TIMELESS: variants seen among roughly 807,000 people sequenced by gnomAD.
TIMELESS encodes the protein timeless circadian regulator, also known as protein timeless homolog.
Under a neutral mutation model 164.3 loss-of-function variants are expected in TIMELESS, and 124 were observed. The observed-to-expected ratio is 0.75, with a 90% confidence interval of 0.65 to 0.88. The LOEUF (loss-of-function observed/expected upper bound fraction) is 0.88, where lower values mean the gene tolerates loss of function less well. Ranked by LOEUF, TIMELESS falls within the 40% of genes least tolerant of loss-of-function variation. The pLI, the probability that TIMELESS is intolerant of heterozygous loss-of-function variation, is 0.00. For synonymous variants in TIMELESS, 564 were observed against 563.4 expected, an observed-to-expected ratio of 1.00 and a Z score of -0.02; for missense variants, 1,422 against 1,491.4, an observed-to-expected ratio of 0.95 and a Z score of 0.77.
Position 56,418,281 on chromosome 12 carries a change from C to A in TIMELESS, c.3307G>T (p.Glu1103Ter). 1 of 1,614,142 alleles carries A rather than the reference C, an allele frequency of 6.2e-7. No homozygotes were observed. Among genetic ancestry groups the A allele is most frequent in the South Asian group, 1.1e-5 (1 of 91,066 alleles). ...RAAASLSQPE[E>*]EQKLQPELQP... The stretch of plus-strand genomic sequence containing the variant: ...AGCTCTGGCTGCAGCTTCTGTTCCT[C>A]CTCTGGTTGACTCAAAGAAGCTGCT... The change falls in exon 27 of 29, where the codon GAG becomes TAG. Residue 1103 changes from glutamate to a stop codon, truncating the protein, a stop_gained. Transcript: ENST00000553532. LOFTEE classifies it high-confidence loss of function.
chr12:56,443,188 G>C (rs1455520722), intron 1 of TIMELESS, among the ~76,000 whole-genome samples: 51 of 152,022 alleles, frequency 3.4e-4, no homozygotes, highest in Admixed American at 3.3e-3. Context: ...TTTTCTTCTT[G>C]CAGGGAGCCT....
intron 13 of TIMELESS, among the ~76,000 whole-genome samples, chr12:56,426,465 C>T (rs1881681556): frequency 6.6e-6 from 1 of 151,304 alleles, no homozygotes; most frequent in African/African-American, 2.4e-5. Flanking sequence ...CGGCTCACTG[C>T]AACCTCTGCC....
In TIMELESS at chr12:56,421,963, G is replaced by A. The variant is rs758367557; in HGVS notation, c.2578C>T (p.Arg860Cys). Residue 860 changes from arginine (R) to cysteine (C), a missense_variant, in exon 21 of 29, where the codon CGC becomes TGC. Coordinates refer to ENST00000553532, the MANE Select transcript of TIMELESS (RefSeq NM_003920.5). ...ACCAGATGGTGGATGATCTGCTTGC[G>A]TGTTCGAGGAACAGTATTCAGGTGG... The part of the protein sequence containing the change: ...LAHLNTVPRT[R>C]KQIIHHLVQM... 10 of 1,614,026 alleles carry A rather than the reference G, an allele frequency of 6.2e-6. No individual in the cohort carries two copies. Among genetic ancestry groups the A allele is most frequent in the South Asian group, 3.3e-5 (3 of 91,088 alleles).
intron 8 of TIMELESS, 60 bp from the exon 9 acceptor site, chr12:56,431,028 C>T (rs546083322): frequency 9.8e-5 from 118 of 1,202,598 alleles, no homozygotes; most frequent in Non-Finnish European, 1.3e-4. Flanking sequence ...TATCTCCATT[C>T]TCTATCATCG....
At position 56,423,800 on chromosome 12, in the gene TIMELESS, G is replaced by A; in HGVS notation, c.1963C>T (p.Pro655Ser). ...GATGTGAAGGGTGGAGACTCACGGG[G>A]AAGTGGAGCAGAGAGGATTTGTTTC... ...LLKQILSAPL[P>S]RQQGPEERGA... The change falls in exon 16 of 29, where the codon CCC (proline) becomes TCC (serine). Residue 655 changes from proline to serine, a missense_variant. Physicochemically the swap from Pro to Ser is moderately conservative, Grantham distance 74 (BLOSUM62 -1). Transcript: ENST00000553532. The A allele has an allele frequency of 6.2e-7, 1 of 1,614,210 alleles. No individual in the cohort carries two copies. The highest frequency in any genetic ancestry group is 8.5e-7 in the Non-Finnish European group (1 of 1,180,044).
At chr12:56,438,423 T>C (rs760324180) in intron 1 of TIMELESS, among the ~76,000 whole-genome samples, 2 of 151,972 alleles carry the variant, frequency 1.3e-5, no homozygotes, top group Non-Finnish European at 2.9e-5. Flanking sequence ...ACTCCTGACT[T>C]CAAGTGATCC....
At chr12:56,446,624 A>C (rs1868353944) in intron 1 of TIMELESS, among the ~76,000 whole-genome samples, 1 of 152,042 alleles carries the variant, frequency 6.6e-6, no homozygotes, top group South Asian at 2.1e-4. Context: ...TGAGGTCAGG[A>C]CTTCAAGACC....
chr12:56,423,520 A>G (rs1565680637), intron 17 of TIMELESS, 45 bp from the exon 18 acceptor site: 15 of 1,613,194 alleles, frequency 9.3e-6, no homozygotes, highest in Non-Finnish European at 1.3e-5. Flanking sequence ...TAAGGAAGAC[A>G]TAGCTCATCC....
intron 1 of TIMELESS, among the ~76,000 whole-genome samples, chr12:56,444,567 T>A (rs1171824022): frequency 6.6e-6 from 1 of 152,120 alleles, no homozygotes; most frequent in Non-Finnish European, 1.5e-5. Flanking sequence ...TGTTTTTTTC[T>A]TTTGAGGCAG....
chr12:56,446,361 T>C (rs910684484), intron 1 of TIMELESS, among the ~76,000 whole-genome samples: 1 of 152,222 alleles, frequency 6.6e-6, no homozygotes, highest in African/African-American at 2.4e-5. Context: ...TTTGGTACTA[T>C]TTGAATTCTT....
At chr12:56,420,021 AAAAAAAAAAT>A (rs1247267835) in intron 26 of TIMELESS, among the ~76,000 whole-genome samples, 12 of 94,346 alleles carry the variant, frequency 1.3e-4, no homozygotes, top group Admixed American at 5.1e-4. Flanking sequence ...AAAAAAAAAA[AAAAAAAAAAT>A]ATATATATAT....
chr12:56,418,572 CT>C (rs372018339), intron 26 of TIMELESS, among the ~76,000 whole-genome samples: 1,301 of 126,762 alleles, frequency 0.01, 10 homozygotes, highest in African/African-American at 0.02. Flanking sequence ...TTTGGTTGTT[CT>C]TTTTTTTTTT....
In TIMELESS at chr12:56,423,898, G is replaced by A. The variant is rs376989070; in HGVS notation, c.1869-4C>T. The A allele has an allele frequency of 4.0e-5, 65 of 1,613,640 alleles. No individual in the cohort carries two copies. Among genetic ancestry groups the A allele is most frequent in the Non-Finnish European group, 5.1e-5 (60 of 1,179,698 alleles). Reference sequence around the variant, plus strand: ...ATCTCCTTCAGGCCACACCTCCCTGGAGCACAGATAGAAAAAAGGCTTTAC... The same window carrying A: ...ATCTCCTTCAGGCCACACCTCCCTGAAGCACAGATAGAAAAAAGGCTTTAC... On this transcript the variant is annotated splice_region_variant and splice_polypyrimidine_tract_variant and intron_variant, in intron 15 of 28. Transcript: ENST00000553532.
rs757210203 is a variant in TIMELESS at position 56,432,362 on chromosome 12, G to T, written c.687+7C>A. 5.6e-6 allele frequency: 9 copies of T among 1,612,032 alleles called. No individual in the cohort carries two copies. The highest frequency in any genetic ancestry group is 1.1e-5 in the South Asian group (1 of 91,030). ...GAGGGGACTCGGGCAATAGGCCAGG[G>T]TCTCACCTGGTCACGAAACATAAGG... On this transcript the variant is annotated splice_region_variant and intron_variant, in intron 7 of 28. Transcript: ENST00000553532.
intron 1 of TIMELESS, among the ~76,000 whole-genome samples, chr12:56,449,008 G>T (rs1868461838): frequency 6.6e-6 from 1 of 152,190 alleles, no homozygotes; most frequent in African/African-American, 2.4e-5. Flanking sequence ...ACTCCCTCAG[G>T]CACTTTCTGT....
At position 56,422,989 on chromosome 12, in the gene TIMELESS, G is replaced by A. The variant is rs768120563; in HGVS notation, c.2296C>T (p.Leu766=). The change falls in exon 19 of 29, where the codon CTA becomes TTA. Residue 766 remains leucine (L), a synonymous_variant. Transcript: ENST00000553532. ...SDPAAGAYKE[L]VTFAKYILGK... ...AGGATGTATTTGGCAAAAGTCACTA[G>A]CTCCTGTAGGAGAAGGAGGTTACTA... 1.9e-6 allele frequency: 3 copies of A among 1,613,182 alleles called. No individual in the cohort carries two copies. The highest frequency in any genetic ancestry group is 4.5e-5 in the East Asian group (2 of 44,894).
intron 9 of TIMELESS, 48 bp from the exon 10 acceptor site, chr12:56,430,329 C>A (rs754263836): frequency 6.4e-7 from 1 of 1,552,140 alleles, no homozygotes; most frequent in Admixed American, 2.1e-5. Context: ...ATACCACTTT[C>A]CCCTTGCAGC....
chr12:56,423,204 C>T, intron 18 of TIMELESS, 70 bp downstream of exon 18: 1 of 1,566,486 alleles, frequency 6.4e-7, no homozygotes, highest in Non-Finnish European at 8.7e-7. Flanking sequence ...CCTTCTATCT[C>T]CTGAAGATTA....
Position 56,423,369 on chromosome 12 carries a change from C to T in TIMELESS, c.2197G>A (p.Ala733Thr). The change falls in exon 18 of 29, where the codon GCC becomes ACC. Residue 733 changes from alanine to threonine, a missense_variant. Physicochemically the swap from Ala to Thr is moderately conservative, Grantham distance 58 (BLOSUM62 0). Coordinates refer to ENST00000553532, the MANE Select transcript of TIMELESS (RefSeq NM_003920.5). ...AGGGCTTCCATTTTGAGGTCATGGG[C>T]CAGCCGGTGCAGCATCTTCACAATG... ...HCIVKMLHRLAHDLKMEALLF... is the reference protein window; with the variant it reads ...HCIVKMLHRLTHDLKMEALLF... The T allele has an allele frequency of 6.2e-7, 1 of 1,614,150 alleles. No individual in the cohort carries two copies. Among genetic ancestry groups the T allele is most frequent in the Non-Finnish European group, 8.5e-7 (1 of 1,180,032 alleles).
Sources: gnomAD v4.1 joint callset for allele counts (sites outside exome capture counted in the v4.1 genomes callset) on GRCh38, gnomAD v4.1.1 for gene constraint, MANE v1.5 for transcripts, NCBI Gene and HGNC (gene_info 2026-07-23, HGNC 2026-07-21) for gene names.